UNC79: variants seen among roughly 807,000 people sequenced by gnomAD.
UNC79 encodes protein unc-79 homolog.
In UNC79, 37 loss-of-function variants were observed where a neutral mutation model predicts 283.1. The observed-to-expected ratio is 0.13, with a 90% CI of 0.10 to 0.17. UNC79 has a LOEUF of 0.17. Ranked by LOEUF, UNC79 falls within the 10% of genes least tolerant of loss-of-function variation. UNC79 has a pLI of 1.00. For synonymous variants in UNC79, 1,107 were observed against 1,200.2 expected (o/e 0.92, Z 1.61); for missense variants, 2,272 against 3,211.1 (o/e 0.71, Z 7.07).
At chr14:93,410,893 A>G (rs890883765) in intron 1 of UNC79, among the ~76,000 whole-genome samples, 4 of 151,998 alleles carry the variant, frequency 2.6e-5, no homozygotes, top group African/African-American at 9.7e-5. Flanking sequence ...TGTGGTGGCT[A>G]TGGGGAGAGA....
chr14:93,367,239 A>G (rs2054355018), intron 1 of UNC79, among the ~76,000 whole-genome samples: 1 of 152,244 alleles, frequency 6.6e-6, no homozygotes, highest in Non-Finnish European at 1.5e-5. Context: ...AGAAATGGGT[A>G]CAGGAAATAG....
intron 40 of UNC79, among the ~76,000 whole-genome samples, chr14:93,667,060 C>T (rs1221284147): frequency 1.3e-5 from 2 of 151,760 alleles, no homozygotes; most frequent in African/African-American, 4.8e-5. Context: ...GCTATGATTG[C>T]ACCAACTGCA....
At chr14:93,634,607 G>C in intron 31 of UNC79, 1 of 1,613,968 alleles carries the variant, frequency 6.2e-7, no homozygotes, top group South Asian at 1.1e-5. Flanking sequence ...TCAGTCTAGC[G>C]CCCCCCATAA....
At chr14:93,536,382 T>C (rs2061075426) in intron 11 of UNC79, among the ~76,000 whole-genome samples, 1 of 152,190 alleles carries the variant, frequency 6.6e-6, no homozygotes, top group African/African-American at 2.4e-5. Context: ...GCTGGTCTCT[T>C]TGGCTCTAGG....
In UNC79 at chr14:93,603,322, C is replaced by T. The variant is rs770359445; in HGVS notation, c.3658C>T (p.Arg1220Cys). The T allele has an allele frequency of 1.6e-5, 26 of 1,614,000 alleles. No homozygotes were observed. The highest frequency in any genetic ancestry group is 8.9e-5 in the East Asian group (4 of 44,892). The change falls in exon 26 of 49, where the codon CGC becomes TGC. Residue 1220 changes from arginine to cysteine, a missense_variant. Around this residue, in one of 11 missense-constraint regions of UNC79, gnomAD observed 237 missense variants for 378.9 expected, o/e 0.63. Transcript: ENST00000555664. ...CAAGAGAGCTCGCTTTGCAAGAAAC[C>T]GCCAGAAGAGTGTACGTTCCCTGAG...
At chr14:93,589,032 G>A (rs1315750607) in intron 22 of UNC79, among the ~76,000 whole-genome samples, 1 of 152,162 alleles carries the variant, frequency 6.6e-6, no homozygotes, top group African/African-American at 2.4e-5. Context: ...CAGACATTGT[G>A]TTGGGAACTT....
intron 1 of UNC79, among the ~76,000 whole-genome samples, chr14:93,402,773 C>T (rs2055137021): frequency 6.6e-6 from 1 of 151,982 alleles, no homozygotes; most frequent in African/African-American, 2.4e-5. Flanking sequence ...AGAGTGTGAA[C>T]CAAAAGTAGA....
chr14:93,618,156 A>G (rs973272000), intron 28 of UNC79, 36 bp from the exon 30 acceptor site: 2 of 1,584,316 alleles, frequency 1.3e-6, no homozygotes, highest in South Asian at 1.2e-5. Flanking sequence ...CTCTAAAATA[A>G]CCATTTATCT....
intron 25 of UNC79, among the ~76,000 whole-genome samples, chr14:93,602,011 C>A (rs1267864186): frequency 6.6e-6 from 1 of 152,142 alleles, no homozygotes; most frequent in African/African-American, 2.4e-5. Context: ...GGTCCTCTGT[C>A]AGATGCATAG....
At chr14:93,606,544 T>C (rs2065901079) in intron 26 of UNC79, among the ~76,000 whole-genome samples, 1 of 152,234 alleles carries the variant, frequency 6.6e-6, no homozygotes, top group South Asian at 2.1e-4. Context: ...AGTAATTAAA[T>C]GGAAACTGAA....
At chr14:93,656,935 A>G (rs1042102430) in intron 38 of UNC79, among the ~76,000 whole-genome samples, 5 of 152,360 alleles carry the variant, frequency 3.3e-5, no homozygotes, top group African/African-American at 1.2e-4. Context: ...TGAAATGAGT[A>G]TTATGTAACA....
chr14:93,452,083 G>A (rs1368655255), intron 1 of UNC79, among the ~76,000 whole-genome samples: 1 of 152,106 alleles, frequency 6.6e-6, no homozygotes, highest in Non-Finnish European at 1.5e-5. Flanking sequence ...CATCCTTCAT[G>A]TCTTACTTAA....
chr14:93,572,362 G>A (rs1416159867), intron 15 of UNC79, among the ~76,000 whole-genome samples: 1 of 152,198 alleles, frequency 6.6e-6, no homozygotes, highest in Non-Finnish European at 1.5e-5. Flanking sequence ...AATTATAATT[G>A]GTGGGATGTG....
intron 1 of UNC79, among the ~76,000 whole-genome samples, chr14:93,354,585 C>G (rs1336579034): frequency 6.6e-6 from 1 of 152,214 alleles, no homozygotes; most frequent in Non-Finnish European, 1.5e-5. Flanking sequence ...GTACCCTTGA[C>G]ATCCTGGTCT....
chr14:93,374,471 T>A (rs183384829), intron 1 of UNC79, among the ~76,000 whole-genome samples: 1 of 152,342 alleles, frequency 6.6e-6, no homozygotes, highest in Admixed American at 6.5e-5. Context: ...CTTTGCCTAC[T>A]TTTCTCTTTT....
intron 22 of UNC79, 82 bp from the exon 23 acceptor site, chr14:93,593,598 T>G: frequency 6.6e-7 from 1 of 1,514,684 alleles, no homozygotes; most frequent in South Asian, 1.3e-5. Flanking sequence ...GTAACTACTC[T>G]TGCCATAAAT....
intron 1 of UNC79, among the ~76,000 whole-genome samples, chr14:93,401,516 A>G (rs1047324037): frequency 6.6e-6 from 1 of 152,196 alleles, no homozygotes; most frequent in African/African-American, 2.4e-5. Flanking sequence ...GAAAGCAGAC[A>G]ACGCATTTCA....
At chr14:93,480,792 A>G (rs890507938) in intron 4 of UNC79, among the ~76,000 whole-genome samples, 24 of 152,184 alleles carry the variant, frequency 1.6e-4, no homozygotes, top group Non-Finnish European at 3.4e-4. Flanking sequence ...ATTGTGACCA[A>G]AACAAGACAA....
At chr14:93,396,604 T>C (rs1566911130) in intron 1 of UNC79, among the ~76,000 whole-genome samples, 1 of 152,140 alleles carries the variant, frequency 6.6e-6, no homozygotes, top group Non-Finnish European at 1.5e-5. Flanking sequence ...ACTGTTTGTT[T>C]TAGTGTGTTT....
Sources: allele counts gnomAD v4.1 joint callset (sites outside exome capture counted in the v4.1 genomes callset), GRCh38; gene constraint gnomAD v4.1.1; regional missense constraint gnomAD v4.1.1; transcripts MANE v1.5; gene names NCBI Gene and HGNC (gene_info 2026-07-23, HGNC 2026-07-21).